The following HAPSTR1 variants were observed in gnomAD, a reference collection of about 807,000 sequenced individuals.
The protein encoded by HAPSTR1 is HUWE1 associated protein modifying stress responses.
the HAPSTR1 span, among the ~76,000 whole-genome samples, chr16:9,100,723 C>T: frequency 2.6e-5 from 4 of 151,906 alleles, no homozygotes; most frequent in Non-Finnish European, 4.4e-5. Flanking sequence ...TTAGTAGAGG[C>T]GGGGTTTTGC....
chr16:9,099,562 T>C, the HAPSTR1 span, among the ~76,000 whole-genome samples: 1 of 152,226 alleles, frequency 6.6e-6, no homozygotes, highest in Non-Finnish European at 1.5e-5. Context: ...ATTTCAGTGC[T>C]TGTGGAGTTT....
chr16:9,114,467 G>A, the HAPSTR1 span, among the ~76,000 whole-genome samples: 2 of 152,120 alleles, frequency 1.3e-5, no homozygotes, highest in African/African-American at 4.8e-5. Flanking sequence ...GGAACAGGTG[G>A]GCTCACTCAG....
chr16:9,102,765 A>G, the HAPSTR1 span, among the ~76,000 whole-genome samples: 10 of 152,214 alleles, frequency 6.6e-5, no homozygotes, highest in South Asian at 1.5e-3. Context: ...GCCAAGCTCC[A>G]GGACTGTGAT....
the HAPSTR1 span, among the ~76,000 whole-genome samples, chr16:9,101,203 C>T: frequency 1.3e-5 from 2 of 152,168 alleles, no homozygotes; most frequent in African/African-American, 4.8e-5. Flanking sequence ...TAGGTTTGTC[C>T]ACCCCTTTAG....
chr16:9,103,383 A>G, the HAPSTR1 span: 2 of 1,014,984 alleles, frequency 2.0e-6, no homozygotes, highest in Non-Finnish European at 1.4e-6. Context: ...AGCTTGCTCT[A>G]GAAATGTTTA....
the HAPSTR1 span, chr16:9,092,413 GC>G: frequency 1.4e-6 from 1 of 717,454 alleles, no homozygotes; most frequent in Non-Finnish European, 1.9e-6. Context: ...CGGCCCTGCC[GC>G]CCCCTCCCCG....
At chr16:9,095,274 T>A in the HAPSTR1 span, among the ~76,000 whole-genome samples, 4 of 152,176 alleles carry the variant, frequency 2.6e-5, no homozygotes, top group Non-Finnish European at 5.9e-5. Flanking sequence ...ACTTTTTCTT[T>A]TTCAGGGTGT....
chr16:9,098,704 G>A, the HAPSTR1 span, among the ~76,000 whole-genome samples: 2 of 152,152 alleles, frequency 1.3e-5, no homozygotes, highest in African/African-American at 2.4e-5. Context: ...TGGTGGACTG[G>A]CTAGTGCAAA....
chr16:9,092,470 C>G, the HAPSTR1 span, among the ~76,000 whole-genome samples: 1 of 152,146 alleles, frequency 6.6e-6, no homozygotes, highest in South Asian at 2.1e-4. Context: ...GGGGACAGGC[C>G]AGAGCCGGCG....
chr16:9,092,098 G>A, the HAPSTR1 span: 1 of 1,547,692 alleles, frequency 6.5e-7, no homozygotes, highest in Non-Finnish European at 8.7e-7. Flanking sequence ...ACGGGCCCGA[G>A]CACTGGTTCT....
the HAPSTR1 span, among the ~76,000 whole-genome samples, chr16:9,097,240 C>T: frequency 2.8e-5 from 4 of 140,786 alleles, no homozygotes; most frequent in East Asian, 2.1e-4. Flanking sequence ...GCGCCTGGCT[C>T]TTTTTTTTTT....
chr16:9,099,197 T>TC, the HAPSTR1 span, among the ~76,000 whole-genome samples: 1 of 151,986 alleles, frequency 6.6e-6, no homozygotes, highest in Non-Finnish European at 1.5e-5. Flanking sequence ...CAGTTCATTT[T>TC]CTTTTTTTTT....
chr16:9,102,327 A>C, the HAPSTR1 span, among the ~76,000 whole-genome samples: 12 of 152,302 alleles, frequency 7.9e-5, no homozygotes, highest in Non-Finnish European at 7.4e-5. Flanking sequence ...TGAAACCACT[A>C]AAAGGTAGAG....
chr16:9,116,830 G>C, the HAPSTR1 span: 1 of 1,614,168 alleles, frequency 6.2e-7, no homozygotes, highest in South Asian at 1.1e-5. Flanking sequence ...TTGGACAATG[G>C]TGGAACTAGA....
At chr16:9,092,263 C>G in the HAPSTR1 span, 1 of 1,552,390 alleles carries the variant, frequency 6.4e-7, no homozygotes, top group Non-Finnish European at 8.7e-7. Flanking sequence ...TGGCCCAGCT[C>G]TACAAAGGTG....
the HAPSTR1 span, among the ~76,000 whole-genome samples, chr16:9,102,301 T>TA: frequency 0.68 from 103,448 of 151,986 alleles, 36,778 homozygotes; most frequent in African/African-American, 0.9. Context: ...AATTTTCAAA[T>TA]TTTTTTTCAA....
the HAPSTR1 span, chr16:9,091,865 G>A: frequency 2.3e-5 from 10 of 440,314 alleles, no homozygotes; most frequent in African/African-American, 1.6e-4. Context: ...TGGTTGCACG[G>A]GGCCGCGGGG....
At chr16:9,106,557 A>C in the HAPSTR1 span, 1 of 151,862 alleles carries the variant, frequency 6.6e-6, no homozygotes, top group Non-Finnish European at 1.5e-5. Context: ...AAGTGGTGGG[A>C]TTGCAGGTGT....
chr16:9,094,055 G>A, the HAPSTR1 span, among the ~76,000 whole-genome samples: 28 of 152,226 alleles, frequency 1.8e-4, no homozygotes, highest in South Asian at 5.6e-3. Flanking sequence ...TGACTGTCAA[G>A]TTGTTAATTT....
Sources: gnomAD v4.1 joint callset for allele counts (sites outside exome capture counted in the v4.1 genomes callset) on GRCh38, gnomAD v4.1.1 for gene constraint, MANE v1.5 for transcripts, NCBI Gene and HGNC (gene_info 2026-07-23, HGNC 2026-07-21) for gene names.